The following MATR3 variants were observed in gnomAD, a reference collection of about 807,000 sequenced individuals.
The protein encoded by MATR3 is matrin 3.
In MATR3, 4 loss-of-function variants were observed where a neutral mutation model predicts 85.5. That is an observed-to-expected ratio of 0.05 (90% CI 0.02 to 0.11). The LOEUF (loss-of-function observed/expected upper bound fraction) is 0.11. MATR3 is among the 10% of genes least tolerant of loss of function. MATR3 has a pLI of 1.00. For synonymous variants in MATR3, 336 were observed against 343.1 expected (o/e 0.98, Z 0.23); for missense variants, 685 against 1,016.1 (o/e 0.67, Z 4.43).
Position 139,322,654 on chromosome 5 carries a change from C to G in MATR3, c.1835C>G (p.Thr612Ser). The G allele has an allele frequency of 6.8e-6, 11 of 1,614,150 alleles. No individual in the cohort carries two copies. The highest frequency in any genetic ancestry group is 9.3e-6 in the Non-Finnish European group (11 of 1,180,028). The change falls in exon 12 of 15, where the codon ACT becomes AGT. Residue 612 changes from threonine (T) to serine (S), a missense_variant. Thr to Ser is a moderately conservative substitution (Grantham distance 58, BLOSUM62 1). Transcript: ENST00000394805. ...KESPSDKKSK[T>S]DGSQKTESST... ...TCTCCAAGTGATAAGAAATCCAAAACTGATGGTTCCCAGAAGACTGAGAGT... is the reference window on the plus strand; with the variant it reads ...TCTCCAAGTGATAAGAAATCCAAAAGTGATGGTTCCCAGAAGACTGAGAGT...
intron 9 of MATR3, among the ~76,000 whole-genome samples, chr5:139,321,558 G>A (rs1222240245): frequency 6.6e-6 from 1 of 152,154 alleles, no homozygotes; most frequent in African/African-American, 2.4e-5. Context: ...CAAAGCAGGA[G>A]GATTGCCTGA....
chr5:139,295,618 A>T (rs1754108220), intron 1 of MATR3, among the ~76,000 whole-genome samples: 3 of 152,158 alleles, frequency 2.0e-5, no homozygotes, highest in African/African-American at 7.2e-5. Context: ...TAATTTTTTT[A>T]CTAATGCTTT....
At chr5:139,290,508 C>T (rs1240176157), upstream of MATR3, among the ~76,000 whole-genome samples, 1 of 135,660 alleles carries the variant, frequency 7.4e-6, no homozygotes, top group Admixed American at 8.0e-5. Flanking sequence ...TGCAGTGCCA[C>T]CCCCTCCCAG....
chr5:139,298,516 G>T (rs370986128), intron 1 of MATR3, among the ~76,000 whole-genome samples: 1 of 152,256 alleles, frequency 6.6e-6, no homozygotes, highest in Middle Eastern at 3.4e-3. Flanking sequence ...TTGCAGTGAG[G>T]CGAGATCGTG....
intron 1 of MATR3, among the ~76,000 whole-genome samples, chr5:139,297,576 T>A (rs1233286611): frequency 6.6e-6 from 1 of 152,228 alleles, no homozygotes; most frequent in Non-Finnish European, 1.5e-5. Flanking sequence ...ATAATCCTAT[T>A]TGTAATACAG....
At chr5:139,308,472 G>A in intron 2 of MATR3, 145 bp downstream of exon 2, 1 of 999,432 alleles carries the variant, frequency 1.0e-6, no homozygotes, top group East Asian at 2.5e-5. Context: ...TATTTGGAAG[G>A]TAATTGTTTT....
upstream of MATR3, among the ~76,000 whole-genome samples, chr5:139,292,727 C>T (rs1404827811): frequency 6.6e-6 from 1 of 152,176 alleles, no homozygotes; most frequent in Non-Finnish European, 1.5e-5. Flanking sequence ...ATCACAAGGT[C>T]AGGAGATCGA....
rs1169062434 is a variant in MATR3 at position 139,331,456 on chromosome 5, A to C, written c.*2061A>C. 2.2e-6 allele frequency: 1 copy of C among 454,012 alleles called. No individual in the cohort carries two copies. The highest frequency in any genetic ancestry group is 2.0e-5 in the African/African-American group (1 of 50,014). 28.1% of individuals were successfully genotyped at this position (454,012 alleles called of 1,614,324 possible). On this transcript the variant is annotated 3_prime_UTR_variant, in exon 15 of 15. Coordinates refer to ENST00000394805, the MANE Select transcript of MATR3 (RefSeq NM_018834.6). ...TTGAAGGAAAGAATGCTATGTTTTT[A>C]ATACCTACATTTGAGAGCATTTAGA...
intron 1 of MATR3, among the ~76,000 whole-genome samples, chr5:139,306,879 TGGAACTTA>T (rs1561932601): frequency 1.3e-5 from 2 of 152,156 alleles, no homozygotes; most frequent in Non-Finnish European, 2.9e-5. Flanking sequence ...TTTAGTCTTC[TGGAACTTA>T]AGCATCATAC....
intron 1 of MATR3, among the ~76,000 whole-genome samples, chr5:139,299,082 T>C (rs550393455): frequency 4.9e-4 from 75 of 152,300 alleles, no homozygotes; most frequent in Non-Finnish European, 7.4e-4. Context: ...AGGGAGTCGT[T>C]GGAAATTGCT....
At chr5:139,320,989 C>G (rs1334180317) in intron 9 of MATR3, among the ~76,000 whole-genome samples, 1 of 150,652 alleles carries the variant, frequency 6.6e-6, no homozygotes, top group Non-Finnish European at 1.5e-5. Flanking sequence ...ATCCCCTGAC[C>G]TTGTGATCCG....
At chr5:139,294,194 G>T (rs1055105669) in intron 1 of MATR3, 6 of 582,690 alleles carry the variant, frequency 1.0e-5, no homozygotes, top group Admixed American at 4.3e-5. Context: ...CGGCGCTGAG[G>T]GGGAGGGAGG....
At chr5:139,320,896 C>T (rs1252898855) in intron 9 of MATR3, among the ~76,000 whole-genome samples, 9 of 149,788 alleles carry the variant, frequency 6.0e-5, no homozygotes, top group East Asian at 3.9e-4. Context: ...CACAGGCACC[C>T]GCCACCACGC....
chr5:139,288,755 C>T (rs548851039), upstream of MATR3, among the ~76,000 whole-genome samples: 1 of 152,280 alleles, frequency 6.6e-6, no homozygotes, highest in East Asian at 1.9e-4. Context: ...ATTCTCCTGC[C>T]TCAACCTCCC....
At chr5:139,280,628 CT>C (rs1214456393) in intron 3 of MATR3, 3 of 152,216 alleles carry the variant, frequency 2.0e-5, no homozygotes, top group Non-Finnish European at 4.4e-5. Flanking sequence ...GAATAGCAGT[CT>C]GCACTTATCA....
chr5:139,317,742 A>G, intron 7 of MATR3, 21 bp downstream of exon 7: 3 of 1,547,716 alleles, frequency 1.9e-6, no homozygotes, highest in Non-Finnish European at 2.7e-6. Flanking sequence ...AAATATTGGT[A>G]TTATTCATTT....
rs2152035257 is a variant in MATR3, at chr5:139,330,039, A to G, written c.*644A>G. 1 of 454,422 alleles carries G rather than the reference A, an allele frequency of 2.2e-6. No homozygotes were observed. Among genetic ancestry groups the G allele is most frequent in the Non-Finnish European group, 4.4e-6 (1 of 226,740 alleles). The allele number at this position is 454,422 out of a possible 1,614,324, so 28.1% of individuals were successfully genotyped here. On this transcript the variant is annotated 3_prime_UTR_variant, in exon 15 of 15. Transcript: ENST00000394805. ...GATTTCGTATTCTAGTAGTCAATGTATTTTCAGTGAAATGCAAAAATATTC... is the reference window on the plus strand; with the variant it reads ...GATTTCGTATTCTAGTAGTCAATGTGTTTTCAGTGAAATGCAAAAATATTC...
chr5:139,280,326 T>A (rs1753468981), intron 3 of MATR3, among the ~76,000 whole-genome samples: 1 of 152,248 alleles, frequency 6.6e-6, no homozygotes, highest in Non-Finnish European at 1.5e-5. Flanking sequence ...TTTGCCAACC[T>A]CTGTCCTGGA....
At chr5:139,284,610 A>AC (rs910916629) in intron 3 of MATR3, among the ~76,000 whole-genome samples, 25 of 152,140 alleles carry the variant, frequency 1.6e-4, no homozygotes, top group African/African-American at 5.3e-4. Context: ...AGTCTCAAAA[A>AC]AAAAAAAAGA....
Sources: allele counts gnomAD v4.1 joint callset (sites outside exome capture counted in the v4.1 genomes callset), GRCh38; gene constraint gnomAD v4.1.1; transcripts MANE v1.5; gene names NCBI Gene and HGNC (gene_info 2026-07-23, HGNC 2026-07-21).